Variants in PCDHGA1 observed in about 807,000 individuals in gnomAD.
The protein encoded by PCDHGA1 is protocadherin gamma-A1.
In PCDHGA1, 32 loss-of-function variants were observed where a neutral mutation model predicts 58.0. The observed-to-expected ratio is 0.55, with a 90% CI of 0.42 to 0.74. PCDHGA1 has a LOEUF of 0.74. Among genes scored for constraint, PCDHGA1 ranks in the 30% least tolerant of loss-of-function variants. PCDHGA1 has a pLI of 0.00. For synonymous variants in PCDHGA1, 498 were observed against 501.1 expected, an observed-to-expected ratio of 0.99 and a Z score of 0.08; for missense variants, 1,205 against 1,182.3, an observed-to-expected ratio of 1.02 and a Z score of -0.28.
chr5:141,364,955 G>A (rs267600453), intron 1 of PCDHGA1: 10 of 1,613,790 alleles, frequency 6.2e-6, no homozygotes, highest in South Asian at 5.5e-5. Flanking sequence ...GACTGTTCAC[G>A]ACCTCCTCCT....
rs369691483 is a variant in PCDHGA1 at position 141,383,272 on chromosome 5, G to A, written c.2421+50167G>A. 65 of 1,613,802 alleles carry A rather than the reference G, an allele frequency of 4.0e-5. No homozygotes were observed. Among genetic ancestry groups the A allele is most frequent in the Non-Finnish European group, 5.3e-5 (62 of 1,179,884 alleles). On this transcript the variant is annotated intron_variant, in intron 1 of 3. Transcript: ENST00000517417. The stretch of plus-strand genomic sequence containing the variant: ...TTACCCTATAGACGTGGAAATAATA[G>A]ATATTAATGACAACGTTCCAAGATT...
At chr5:141,374,919 A>G in intron 1 of PCDHGA1, 2 of 1,613,932 alleles carry the variant, frequency 1.2e-6, no homozygotes, top group Non-Finnish European at 1.7e-6. Flanking sequence ...GAAGTAACTT[A>G]TTCCTTTGTG....
At position 141,331,773 on chromosome 5, in the gene PCDHGA1, G is replaced by A. The variant is rs781430367; in HGVS notation, c.1089G>A (p.Gly363=). ...TTAVPENFPP[G]TIIALISVHD... ...CAGTTCCAGAAAACTTTCCTCCTGG[G>A]ACCATAATTGCTCTTATCAGTGTGC... The change falls in exon 1 of 4, where the codon GGG becomes GGA. Residue 363 remains glycine, a synonymous_variant. Coordinates refer to ENST00000517417, the MANE Select transcript of PCDHGA1 (RefSeq NM_018912.3). The A allele has an allele frequency of 4.3e-6, 7 of 1,614,158 alleles. No individual in the cohort carries two copies. The Admixed American group carries it at 8.3e-5, about 19-fold the overall frequency.
At chr5:141,505,202 T>C (rs778935321) in intron 2 of PCDHGA1, among the ~76,000 whole-genome samples, 191 bp from the exon 3 acceptor site, 3 of 152,012 alleles carry the variant, frequency 2.0e-5, no homozygotes, top group Non-Finnish European at 4.4e-5. Flanking sequence ...AAAGAGCTGG[T>C]TTGAGGGACT....
chr5:141,497,239 G>A (rs2099775226), intron 2 of PCDHGA1, among the ~76,000 whole-genome samples: 1 of 152,104 alleles, frequency 6.6e-6, no homozygotes, highest in Admixed American at 6.5e-5. Flanking sequence ...AAGGCTTCTA[G>A]GAGGAGGTGA....
intron 1 of PCDHGA1, chr5:141,399,154 G>T (rs780620346): frequency 1.2e-6 from 2 of 1,613,850 alleles, no homozygotes; most frequent in South Asian, 1.1e-5. Context: ...TAGCCCAGAA[G>T]TTACATTCCA....
chr5:141,369,839 G>A (rs1482165947), intron 1 of PCDHGA1, among the ~76,000 whole-genome samples: 6 of 152,096 alleles, frequency 3.9e-5, no homozygotes, highest in Non-Finnish European at 7.4e-5. Context: ...GATTTTCTAT[G>A]TATTATTTTA....
intron 1 of PCDHGA1, chr5:141,361,524 G>A (rs551885796): frequency 1.7e-5 from 27 of 1,613,938 alleles, no homozygotes; most frequent in Non-Finnish European, 2.3e-5. Context: ...ACGTGGCAGA[G>A]AACAATCCTC....
At position 141,477,146 on chromosome 5, in the gene PCDHGA1, G is replaced by A. The variant is rs1447966302; in HGVS notation, c.2422-17661G>A. The stretch of plus-strand genomic sequence containing the variant: ...TTGCAAAGTGTTGGTGGAGGTTGTG[G>A]ATGTGAATGACAACGCCCCGGAGAT... On this transcript the variant is annotated intron_variant, in intron 1 of 3. Coordinates refer to ENST00000517417, the MANE Select transcript of PCDHGA1 (RefSeq NM_018912.3). This position sits in a 1 kb window ranked among gnomAD's most constrained non-coding sequence, Gnocchi z 4.9. 1 of 1,614,182 alleles carries A rather than the reference G, an allele frequency of 6.2e-7. No homozygotes were observed. The highest frequency in any genetic ancestry group is 8.5e-7 in the Non-Finnish European group (1 of 1,180,044).
At position 141,489,219 on chromosome 5, in the gene PCDHGA1, T is replaced by C; in HGVS notation, c.2422-5588T>C. 1 of 1,502,828 alleles carries C rather than the reference T, an allele frequency of 6.7e-7. No homozygotes were observed. Among genetic ancestry groups the C allele is most frequent in the Non-Finnish European group, 8.9e-7 (1 of 1,117,962 alleles). 93.1% of individuals were successfully genotyped at this position (1,502,828 alleles called of 1,614,324 possible). On this transcript the variant is annotated intron_variant, in intron 1 of 3. Transcript: ENST00000517417. This position sits in a 1 kb window ranked among gnomAD's most constrained non-coding sequence, Gnocchi z 4.5. ...GAGACAGGACAGCACAGACTTACTC[T>C]CCACAAAGGGACTTCTGGGTCATGG...
chr5:141,432,137 T>A lies in PCDHGA1; in HGVS notation c.2422-62670T>A. On this transcript the variant is annotated intron_variant, in intron 1 of 3. Coordinates refer to ENST00000517417, the MANE Select transcript of PCDHGA1 (RefSeq NM_018912.3). The surrounding 1 kb of genome is among the most constrained non-coding windows in gnomAD (Gnocchi z 6.0). ...CTTCCCTCAGGCCTCCTATTCCGCT[T>A]ATATCCCAGAGAACAATCCCAGAGG... 6.2e-7 allele frequency: 1 copy of A among 1,613,964 alleles called. No homozygotes were observed. Among genetic ancestry groups the A allele is most frequent in the Non-Finnish European group, 8.5e-7 (1 of 1,179,984 alleles).
chr5:141,444,376 G>A (rs977995642), intron 1 of PCDHGA1, among the ~76,000 whole-genome samples: 1 of 151,796 alleles, frequency 6.6e-6, no homozygotes, highest in Non-Finnish European at 1.5e-5. Flanking sequence ...TCTCCATGTT[G>A]GTCAGGCTAG....
Position 141,432,201 on chromosome 5 carries a change from G to T in PCDHGA1, c.2422-62606G>T, listed in dbSNP as rs761075658. On this transcript the variant is annotated intron_variant, in intron 1 of 3. Transcript: ENST00000517417. This position sits in a 1 kb window ranked among gnomAD's most constrained non-coding sequence, Gnocchi z 6.0. ...TCTGTGACCGCCCACGACCCCGACT[G>T]TGAAGAGAACGCCCAGATCACTTAT... 1.8e-5 allele frequency: 29 copies of T among 1,614,092 alleles called. No homozygotes were observed. The South Asian group carries it at 2.9e-4, about 16-fold the overall frequency.
At chr5:141,405,187 G>A (rs372851700) in intron 1 of PCDHGA1, 1 of 1,613,360 alleles carries the variant, frequency 6.2e-7, no homozygotes, top group East Asian at 2.2e-5. Flanking sequence ...GTGTAGATGG[G>A]GTTCGAGCTT....
rs746989617 is a variant in PCDHGA1 at position 141,422,853 on chromosome 5, C to G, written c.2422-71954C>G. On this transcript the variant is annotated intron_variant, in intron 1 of 3. Transcript: ENST00000517417. ...TAGCACGTGACAGCGGGGACCCGCC[C>G]CTCAGCAGCAACGTGTCGCTGAGCC... 16 of 1,614,146 alleles carry G rather than the reference C, an allele frequency of 9.9e-6. 1 individual carries two copies. In the South Asian group the frequency reaches 1.6e-4, roughly 17 times the overall value.
chr5:141,457,159 T>C (rs908257499), intron 1 of PCDHGA1, among the ~76,000 whole-genome samples: 5 of 152,212 alleles, frequency 3.3e-5, no homozygotes, highest in Non-Finnish European at 7.3e-5. Flanking sequence ...GGTGCTACCA[T>C]GGATAACCCT....
intron 1 of PCDHGA1, chr5:141,351,037 G>A (rs1370361683): frequency 1.2e-6 from 2 of 1,613,906 alleles, no homozygotes; most frequent in East Asian, 4.5e-5. Flanking sequence ...CCTCCGTGCT[G>A]CGGGTGATGG....
intron 1 of PCDHGA1, chr5:141,391,117 G>C (rs1180056630): frequency 6.6e-6 from 1 of 152,054 alleles, no homozygotes; most frequent in African/African-American, 2.4e-5. Flanking sequence ...TATAGCTAGA[G>C]GTCTTCTAAT....
rs543116266 is a variant in PCDHGA1 at position 141,474,428 on chromosome 5, C to A, written c.2422-20379C>A. 3.9e-5 allele frequency among the ~76,000 whole-genome samples: 6 copies of A among 152,346 alleles called. 1 individual carries two copies. In the South Asian group the frequency reaches 1.0e-3, roughly 26 times the overall value. On this transcript the variant is annotated intron_variant, in intron 1 of 3. Coordinates refer to ENST00000517417, the MANE Select transcript of PCDHGA1 (RefSeq NM_018912.3). ...CGGTGATGCCTAGACCATTGGTCCT[C>A]ACACTTTGAGTAGCAAGTGATTGGG...
Sources: gnomAD v4.1 joint callset for allele counts (sites outside exome capture counted in the v4.1 genomes callset) on GRCh38, gnomAD v4.1.1 for gene constraint, Gnocchi (gnomAD v3.1) non-coding constraint, MANE v1.5 for transcripts, NCBI Gene and HGNC (gene_info 2026-07-23, HGNC 2026-07-21) for gene names.